The following GPATCH8 variants were observed in gnomAD, a reference collection of about 807,000 sequenced individuals.
GPATCH8 encodes G-patch domain containing 8, also known as G patch domain-containing protein 8.
GPATCH8 carries 18 observed loss-of-function variants against 118.3 expected under a neutral mutation model. The ratio of observed to expected loss-of-function variants is 0.15; its 90% CI spans 0.11 to 0.23. The LOEUF is 0.23. GPATCH8 is among the 10% of genes least tolerant of loss of function. GPATCH8 has a pLI of 1.00. For missense variants in GPATCH8, 1,631 were observed against 1,873.8 expected (o/e 0.87, Z 2.39); for synonymous variants, 659 against 684.7 (o/e 0.96, Z 0.59).
rs1555622812 is a variant in GPATCH8 at position 44,406,499 on chromosome 17, G to GGGC, written c.493-449_493-448insGCC. 5.3e-5 allele frequency among the ~76,000 whole-genome samples: 7 copies of GGGC among 131,370 alleles called. No individual in the cohort carries two copies. In the East Asian group the frequency reaches 9.1e-4, roughly 17 times the overall value. 86.2% of individuals were successfully genotyped at this position (131,370 alleles called of 152,430 possible). A position where few individuals can be genotyped will look rare whatever the true frequency, so the allele number is the denominator to read the frequency against. ...GAAAAGCAATGTACAGCTTACATGG[G>GGGC]GGGGGGGGGTTATTTAAATTAGAAC... On this transcript the variant is annotated intron_variant, in intron 6 of 7. Coordinates refer to ENST00000591680, the MANE Select transcript of GPATCH8 (RefSeq NM_001002909.4).
At chr17:44,485,896 T>C (rs1968739160) in intron 1 of GPATCH8, among the ~76,000 whole-genome samples, 1 of 152,184 alleles carries the variant, frequency 6.6e-6, no homozygotes. Context: ...CTAGTGAATA[T>C]TATGTGTTTA....
intron 1 of GPATCH8, among the ~76,000 whole-genome samples, chr17:44,478,518 G>A (rs985326441): frequency 3.3e-5 from 5 of 151,976 alleles, no homozygotes; most frequent in Non-Finnish European, 7.4e-5. Context: ...GCGTGGTGGT[G>A]TGTACCTATA....
chr17:44,441,628 G>A (rs1321208816), intron 3 of GPATCH8, among the ~76,000 whole-genome samples: 1 of 152,032 alleles, frequency 6.6e-6, no homozygotes, highest in Non-Finnish European at 1.5e-5. Context: ...GGAGGCTGGG[G>A]CAGGAGAATC....
chr17:44,437,121 GA>G (rs747420102), intron 3 of GPATCH8, among the ~76,000 whole-genome samples: 139 of 152,242 alleles, frequency 9.1e-4, no homozygotes, highest in Non-Finnish European at 1.4e-3. Context: ...ATGGGGCTGT[GA>G]AAAGTTTAAA....
intron 1 of GPATCH8, among the ~76,000 whole-genome samples, chr17:44,477,923 C>A (rs1365670626): frequency 6.6e-6 from 1 of 152,080 alleles, no homozygotes; most frequent in Admixed American, 6.6e-5. Flanking sequence ...GATTCTCCCG[C>A]CTCAGCCTCC....
chr17:44,495,295 C>A (rs1025032884), intron 1 of GPATCH8, among the ~76,000 whole-genome samples: 5 of 152,132 alleles, frequency 3.3e-5, no homozygotes, highest in Non-Finnish European at 5.9e-5. Flanking sequence ...GATCATGCCA[C>A]TGCATTCTAG....
In GPATCH8 at chr17:44,426,428, C is replaced by G. The variant is rs539477645; in HGVS notation, c.349-1936G>C. On this transcript the variant is annotated intron_variant, in intron 5 of 7. Transcript: ENST00000591680. ...GACCAGCCTGGGTAACACAGTGAAA[C>G]TCCGGCTCTACCAAAAATACAAAAC... Among the ~76,000 whole-genome samples, 23 of 152,154 alleles carry G rather than the reference C, an allele frequency of 1.5e-4. 1 individual carries two copies. In the East Asian group the frequency reaches 3.7e-3, roughly 24 times the overall value.
In GPATCH8 at chr17:44,406,051, T is replaced by C; in HGVS notation, c.493A>G (p.Arg165Gly). ...INSYDHAHKQRLKDLKQREFA... is the reference protein window; with the variant it reads ...INSYDHAHKQGLKDLKQREFA... Reference sequence around the variant, plus strand: ...TCTCTCTGCTTCAGATCTTTTAATCTCTGGGTTAAAAGAAAGAAAGATACA... The same window carrying C: ...TCTCTCTGCTTCAGATCTTTTAATCCCTGGGTTAAAAGAAAGAAAGATACA... The change falls in exon 7 of 8, where the codon AGA (arginine) becomes GGA (glycine). Residue 165 changes from arginine (R) to glycine (G), a missense_variant and splice_region_variant. Arg to Gly is a moderately radical substitution (Grantham distance 125, BLOSUM62 -2). This residue lies in a region of GPATCH8 where 81 missense variants were observed against 227.6 expected (regional missense o/e 0.36). Coordinates refer to ENST00000591680, the MANE Select transcript of GPATCH8 (RefSeq NM_001002909.4). 1 of 1,599,454 alleles carries C rather than the reference T, an allele frequency of 6.3e-7. No homozygotes were observed. The highest frequency in any genetic ancestry group is 8.6e-7 in the Non-Finnish European group (1 of 1,166,834).
chr17:44,452,054 C>T (rs371422231), intron 3 of GPATCH8, among the ~76,000 whole-genome samples: 3 of 151,680 alleles, frequency 2.0e-5, no homozygotes, highest in African/African-American at 4.8e-5. Flanking sequence ...GCGGATTGCC[C>T]GAGGTCAGGA....
At chr17:44,474,731 T>C (rs753298270) in intron 2 of GPATCH8, 98 bp downstream of exon 2, 3 of 731,822 alleles carry the variant, frequency 4.1e-6, no homozygotes, top group Admixed American at 3.9e-5. Flanking sequence ...AACTGTACTA[T>C]TGGTTATTAA....
At chr17:44,402,710 T>C (rs769167624) in intron 7 of GPATCH8, among the ~76,000 whole-genome samples, 8 of 152,232 alleles carry the variant, frequency 5.3e-5, no homozygotes, top group Non-Finnish European at 1.0e-4. Context: ...ACTTCCACTG[T>C]GCTACTTATG....
Position 44,503,321 on chromosome 17 carries a change from T to A in GPATCH8, c.45+5A>T. 6.2e-7 allele frequency: 1 copy of A among 1,610,020 alleles called. No individual in the cohort carries two copies. Among genetic ancestry groups the A allele is most frequent in the Non-Finnish European group, 8.5e-7 (1 of 1,178,298 alleles). Reference sequence around the variant, plus strand: ...CCCCGCATCCTCGGCGACGCCCGTGTTTACCTGAAAGTCTCGGTCTTCGTT... The same window carrying A: ...CCCCGCATCCTCGGCGACGCCCGTGATTACCTGAAAGTCTCGGTCTTCGTT... On this transcript the variant is annotated splice_donor_5th_base_variant and intron_variant, in intron 1 of 7. Transcript: ENST00000591680.
chr17:44,484,203 C>T (rs531192452), intron 1 of GPATCH8, among the ~76,000 whole-genome samples: 3 of 152,108 alleles, frequency 2.0e-5, no homozygotes, highest in Non-Finnish European at 1.5e-5. Context: ...AGGCTAGTCT[C>T]GAACTCCTGG....
chr17:44,412,264 C>T (rs1401788356), intron 6 of GPATCH8, among the ~76,000 whole-genome samples: 3 of 152,198 alleles, frequency 2.0e-5, no homozygotes, highest in Non-Finnish European at 4.4e-5. Context: ...TGGTTATGTG[C>T]TTGTAATCCC....
At chr17:44,444,071 T>C (rs2050789738) in intron 3 of GPATCH8, among the ~76,000 whole-genome samples, 1 of 152,170 alleles carries the variant, frequency 6.6e-6, no homozygotes, top group Admixed American at 6.5e-5. Flanking sequence ...GATAAAATAG[T>C]TCAATTTTAA....
chr17:44,494,724 T>C (rs1194338805), intron 1 of GPATCH8, among the ~76,000 whole-genome samples: 4 of 152,226 alleles, frequency 2.6e-5, no homozygotes, highest in Non-Finnish European at 5.9e-5. Flanking sequence ...TATATGGGTA[T>C]AGCACATCTA....
intron 6 of GPATCH8, among the ~76,000 whole-genome samples, chr17:44,423,053 G>C (rs1473198423): frequency 1.3e-5 from 2 of 151,758 alleles, no homozygotes; most frequent in African/African-American, 4.8e-5. Context: ...CGGATCACGA[G>C]GTCAGGAGTT....
intron 5 of GPATCH8, among the ~76,000 whole-genome samples, chr17:44,425,524 G>A (rs1011200747): frequency 2.0e-5 from 3 of 152,058 alleles, no homozygotes; most frequent in African/African-American, 4.8e-5. Context: ...TGACAGTCCC[G>A]GACAGTTTCA....
chr17:44,464,776 T>A, intron 2 of GPATCH8: 1 of 516,910 alleles, frequency 1.9e-6, no homozygotes, highest in Non-Finnish European at 3.5e-6. Context: ...TCTGATGGTG[T>A]GTTGGGCAAC....
Sources: allele counts gnomAD v4.1 joint callset (sites outside exome capture counted in the v4.1 genomes callset), GRCh38; gene constraint gnomAD v4.1.1; regional missense constraint gnomAD v4.1.1; transcripts MANE v1.5; gene names NCBI Gene and HGNC (gene_info 2026-07-23, HGNC 2026-07-21).